Variants in GHRHR observed in about 807,000 individuals in gnomAD.
GHRHR encodes the protein growth hormone-releasing hormone receptor.
A neutral mutation model predicts 58.3 loss-of-function variants in GHRHR; 40 were observed. The ratio of observed to expected loss-of-function variants is 0.69; its 90% CI spans 0.53 to 0.89. GHRHR has a LOEUF of 0.89. GHRHR is among the 40% of genes least tolerant of loss of function. The pLI is 0.00. For missense variants in GHRHR, 551 were observed against 541.3 expected (o/e 1.02, Z -0.18); for synonymous variants, 249 against 216.6 (o/e 1.15, Z -1.31).
Position 30,971,311 on chromosome 7 carries a change from C to T in GHRHR, c.464+95C>T. The T allele has an allele frequency of 4.2e-6, 3 of 716,034 alleles. No individual in the cohort carries two copies. In the South Asian group the frequency reaches 4.4e-5, roughly 11 times the overall value. 44.4% of individuals were successfully genotyped at this position (716,034 alleles called of 1,614,324 possible). ...TCCTTGCCTACATAGCCATGAACTT[C>T]CCAGATCTAGGCGCCATACCCATGT... On this transcript the variant is annotated intron_variant, in intron 5 of 12. Coordinates refer to ENST00000326139, the MANE Select transcript of GHRHR (RefSeq NM_000823.4).
intron 7 of GHRHR, 128 bp downstream of exon 7, chr7:30,974,266 C>T (rs1443614994): frequency 8.2e-7 from 1 of 1,216,666 alleles, no homozygotes; most frequent in Non-Finnish European, 1.2e-6. Flanking sequence ...CACAGTCCGG[C>T]AGCAAGTGTT....
At chr7:30,964,937 G>C (rs1447141601) in intron 1 of GHRHR, among the ~76,000 whole-genome samples, 1 of 152,178 alleles carries the variant, frequency 6.6e-6, no homozygotes. Flanking sequence ...TGCCTTATTG[G>C]AGGGTGCTGC....
Position 30,963,995 on chromosome 7 carries a change from T to G in GHRHR, c.-74T>G. On this transcript the variant is annotated 5_prime_UTR_variant, in exon 1 of 13. Transcript: ENST00000326139. ...AGAGGGTGCGGTGGAAACGGCTGTG[T>G]CAGGGGACAGCAGGGGAAGGAAGAT... The G allele has an allele frequency of 1.5e-6, 2 of 1,372,120 alleles. No homozygotes were observed. Among genetic ancestry groups the G allele is most frequent in the Non-Finnish European group, 2.0e-6 (2 of 985,556 alleles). The allele number at this position is 1,372,120 out of a possible 1,614,324, so 85.0% of individuals were successfully genotyped here.
At position 30,974,473 on chromosome 7, in the gene GHRHR, G is replaced by C; in HGVS notation, c.796G>C (p.Ala266Pro). The C allele has an allele frequency of 6.2e-7, 1 of 1,612,806 alleles. No homozygotes were observed. The highest frequency in any genetic ancestry group is 8.5e-7 in the Non-Finnish European group (1 of 1,178,728). Residue 266 changes from alanine to proline, a missense_variant, in exon 8 of 13, where the codon GCC becomes CCC. Coordinates refer to ENST00000326139, the MANE Select transcript of GHRHR (RefSeq NM_000823.4). ...TGGCACGTGGGTGAGCTGCAAACTG[G>C]CCTTCGAGGACATCGCGTGAGTCGG... ...FTGTWVSCKL[A>P]FEDIACWDLD...
At chr7:30,969,279 C>T (rs1439171335) in intron 3 of GHRHR, 109 bp downstream of exon 3, 1 of 778,476 alleles carries the variant, frequency 1.3e-6, no homozygotes, top group Non-Finnish European at 2.2e-6. Context: ...ATACCAACTT[C>T]CCCTCTTCTG....
chr7:30,968,465 G>T (rs573468728), intron 1 of GHRHR, among the ~76,000 whole-genome samples: 2 of 152,106 alleles, frequency 1.3e-5, no homozygotes. Flanking sequence ...GGCAGACCTA[G>T]GTTTGTATAC....
Position 30,972,038 on chromosome 7 carries a change from C to T in GHRHR, c.540C>T (p.Phe180=), listed in dbSNP as rs1376699083. Reference sequence around the variant, plus strand: ...TTATCCTCAAGGCGGGAGCTGTGTTCCTGAAGGATGCTGCCCTTTTCCACA... The same window carrying T: ...TTATCCTCAAGGCGGGAGCTGTGTTTCTGAAGGATGCTGCCCTTTTCCACA... The part of the protein sequence containing the change: ...TTFILKAGAV[F]LKDAALFHSD... The change falls in exon 6 of 13, where the codon TTC becomes TTT. Residue 180 remains phenylalanine (F), a synonymous_variant. Coordinates refer to ENST00000326139, the MANE Select transcript of GHRHR (RefSeq NM_000823.4). 1.2e-6 allele frequency: 2 copies of T among 1,613,918 alleles called. No individual in the cohort carries two copies. The highest frequency in any genetic ancestry group is 1.3e-5 in the African/African-American group (1 of 74,896).
Position 30,964,073 on chromosome 7 carries a change from A to G in GHRHR, c.5A>G (p.Asp2Gly), listed in dbSNP as rs1423532351. 3 of 1,550,638 alleles carry G rather than the reference A, an allele frequency of 1.9e-6. No homozygotes were observed. Among genetic ancestry groups the G allele is most frequent in the Non-Finnish European group, 2.6e-6 (3 of 1,146,956 alleles). The change falls in exon 1 of 13, where the codon GAC becomes GGC. Residue 2 changes from aspartate to glycine, a missense_variant. Asp to Gly is a moderately conservative substitution (Grantham distance 94). Coordinates refer to ENST00000326139, the MANE Select transcript of GHRHR (RefSeq NM_000823.4). ...GGAGCCACTGCTGGGCTCACCATGG[A>G]CCGCCGGATGTGGGGGGCCCACGTC... M[D>G]RRMWGAHVFC...
Position 30,974,135 on chromosome 7 carries a change from T to A in GHRHR, c.748T>A (p.Trp250Arg). 1.2e-6 allele frequency: 2 copies of A among 1,613,832 alleles called. No homozygotes were observed. Among genetic ancestry groups the A allele is most frequent in the Non-Finnish European group, 1.7e-6 (2 of 1,179,924 alleles). ...CTTCTGGTGGCTGGTTCTCGCTGGC[T>A]GGGGTGAGCACTGAGGGCGGGTTGG... is the stretch of plus-strand genomic sequence containing the variant. Reference protein sequence around the residue: ...RAFWWLVLAGWGLPVLFTGTW... With the variant: ...RAFWWLVLAGRGLPVLFTGTW... Residue 250 changes from tryptophan (W) to arginine (R), a missense_variant, in exon 7 of 13, where the codon TGG becomes AGG. By Grantham distance (101) the Trp-to-Arg change is moderately radical. Coordinates refer to ENST00000326139, the MANE Select transcript of GHRHR (RefSeq NM_000823.4).
chr7:30,970,296 G>A (rs1007780584), intron 4 of GHRHR, among the ~76,000 whole-genome samples: 3 of 152,196 alleles, frequency 2.0e-5, no homozygotes, highest in Non-Finnish European at 2.9e-5. Context: ...GCCCTGGGAA[G>A]CTCCTTTCCT....
chr7:30,966,829 A>G (rs1009398062), intron 1 of GHRHR, among the ~76,000 whole-genome samples: 1 of 152,108 alleles, frequency 6.6e-6, no homozygotes, highest in Admixed American at 6.5e-5. Context: ...TTTTGTAGAG[A>G]TAGTGTTTTG....
chr7:30,976,256 G>A (rs576157029), intron 10 of GHRHR, among the ~76,000 whole-genome samples, 173 bp from the exon 11 acceptor site: 1 of 152,298 alleles, frequency 6.6e-6, no homozygotes, highest in Admixed American at 6.5e-5. Flanking sequence ...GAATCAGCAG[G>A]ATCCAGCGCC....
At chr7:30,976,980 T>G (rs1792598900) in intron 11 of GHRHR, among the ~76,000 whole-genome samples, 1 of 148,744 alleles carries the variant, frequency 6.7e-6, no homozygotes. Flanking sequence ...ATCCATCCAA[T>G]CTATTCAACT....
At chr7:30,973,503 C>T (rs915886569) in intron 6 of GHRHR, among the ~76,000 whole-genome samples, 2 of 152,160 alleles carry the variant, frequency 1.3e-5, no homozygotes, top group African/African-American at 4.8e-5. Flanking sequence ...TGGTCCTGCT[C>T]CCCTGCCGGC....
chr7:30,969,116 G>C lies in GHRHR; in HGVS notation c.214G>C (p.Glu72Gln). Reference sequence around the variant, plus strand: ...GTGCTGGCCAACGGCAGGCTCTGGCGAGTGGGTCACCCTCCCCTGCCCGGA... The same window carrying C: ...GTGCTGGCCAACGGCAGGCTCTGGCCAGTGGGTCACCCTCCCCTGCCCGGA... ...LLCWPTAGSG[E>Q]WVTLPCPDFF... The change falls in exon 3 of 13, where the codon GAG (glutamate) becomes CAG (glutamine). Residue 72 changes from glutamate to glutamine, a missense_variant. Coordinates refer to ENST00000326139, the MANE Select transcript of GHRHR (RefSeq NM_000823.4). 1 of 1,579,438 alleles carries C rather than the reference G, an allele frequency of 6.3e-7. No individual in the cohort carries two copies. Among genetic ancestry groups the C allele is most frequent in the South Asian group, 1.2e-5 (1 of 86,248 alleles).
chr7:30,968,771 G>T (rs1384968469), intron 1 of GHRHR, 63 bp from the exon 2 acceptor site: 2 of 1,084,266 alleles, frequency 1.8e-6, no homozygotes, highest in African/African-American at 3.1e-5. Flanking sequence ...CAGGTCATGT[G>T]GACCACAGAG....
intron 3 of GHRHR, chr7:30,969,402 G>T (rs1055730786): frequency 1.6e-5 from 10 of 608,872 alleles, no homozygotes; most frequent in Non-Finnish European, 3.0e-5. Context: ...ACCTGTAAGT[G>T]CTGGACCTGG....
intron 6 of GHRHR, 148 bp from the exon 7 acceptor site, chr7:30,973,837 A>G (rs937127097): frequency 6.8e-6 from 5 of 730,026 alleles, no homozygotes; most frequent in South Asian, 4.6e-5. Flanking sequence ...GTATATCACC[A>G]CATCCCCTCT....
At chr7:30,970,089 C>T in intron 4 of GHRHR, 125 bp downstream of exon 4, 1 of 741,340 alleles carries the variant, frequency 1.3e-6, no homozygotes, top group Non-Finnish European at 2.5e-6. Context: ...AGTTTTCCAG[C>T]AGAGAGCAGT....
Sources: allele counts gnomAD v4.1 joint callset (sites outside exome capture counted in the v4.1 genomes callset), GRCh38; gene constraint gnomAD v4.1.1; transcripts MANE v1.5; gene names NCBI Gene and HGNC (gene_info 2026-07-23, HGNC 2026-07-21).